VAMP5: variants seen among roughly 807,000 people sequenced by gnomAD.
VAMP5 encodes vesicle associated membrane protein 5.
VAMP5 carries 10 observed loss-of-function variants against 8.1 expected under a neutral mutation model. The ratio of observed to expected loss-of-function variants is 1.23; its 90% CI spans 0.76 to 2.09. The LOEUF is 2.09. Ranked by LOEUF, VAMP5 falls within the 30% of genes most tolerant of loss-of-function variation. VAMP5 has a pLI of 0.00. For missense variants in VAMP5, 135 were observed against 152.5 expected (o/e 0.89, Z 0.60); for synonymous variants, 62 against 60.6 (o/e 1.02, Z -0.11).
chr2:85,592,991 A>C lies in VAMP5; in HGVS notation c.185A>C (p.Lys62Thr). 6.2e-7 allele frequency: 1 copy of C among 1,614,070 alleles called. No homozygotes were observed. The highest frequency in any genetic ancestry group is 1.1e-5 in the South Asian group (1 of 91,080). ...ACTACACAGAACCTGGCCCAGAAGA[A>C]GTGCTGGGAGAACATCCGTTACCGG... ...NKTTQNLAQKKCWENIRYRIC... is the reference protein window; with the variant it reads ...NKTTQNLAQKTCWENIRYRIC... Residue 62 changes from lysine (K) to threonine (T), a missense_variant, in exon 3 of 3, where the codon AAG becomes ACG. By Grantham distance (78) the Lys-to-Thr change is moderately conservative (BLOSUM62 -1). Transcript: ENST00000306384.
Position 85,591,847 on chromosome 2 carries a change from C to A in VAMP5, c.126C>A (p.Asp42Glu), listed in dbSNP as rs1195704548. The A allele has an allele frequency of 1.9e-6, 3 of 1,614,108 alleles. No individual in the cohort carries two copies. The highest frequency in any genetic ancestry group is 2.7e-5 in the African/African-American group (2 of 75,010). Residue 42 changes from aspartate (D) to glutamate (E), a missense_variant, in exon 2 of 3, where the codon GAC becomes GAA. Physicochemically the swap from Asp to Glu is conservative, Grantham distance 45 (BLOSUM62 2). Transcript: ENST00000306384. Reference protein sequence around the residue: ...VKLAELQQRSDQLLDMSSTFN... With the variant: ...VKLAELQQRSEQLLDMSSTFN... ...TGGCCGAACTGCAGCAGCGTTCAGA[C>A]CAACTCCTGGATATGGTGTGAGGCC...
chr2:85,592,650 A>G (rs2104052882), intron 2 of VAMP5, among the ~76,000 whole-genome samples: 1 of 152,016 alleles, frequency 6.6e-6, no homozygotes, highest in Admixed American at 6.5e-5. Context: ...AAAATACAAA[A>G]ATTAGCCGGG....
At position 85,592,944 on chromosome 2, in the gene VAMP5, G is replaced by C; in HGVS notation, c.142-4G>C. 2 of 1,613,462 alleles carry C rather than the reference G, an allele frequency of 1.2e-6. No homozygotes were observed. Among genetic ancestry groups the C allele is most frequent in the Non-Finnish European group, 1.7e-6 (2 of 1,180,002 alleles). ...TCCCACTTTGTGTCTGGGGGTATCC[G>C]CAGAGCTCAACCTTCAACAAGACTA... On this transcript the variant is annotated splice_region_variant and splice_polypyrimidine_tract_variant and intron_variant, in intron 2 of 2. Coordinates refer to ENST00000306384, the MANE Select transcript of VAMP5 (RefSeq NM_006634.3).
chr2:85,586,343 G>A (rs1453584274), intron 1 of VAMP5, among the ~76,000 whole-genome samples: 4 of 152,132 alleles, frequency 2.6e-5, no homozygotes, highest in Admixed American at 1.3e-4. Flanking sequence ...TTGGGAGGCC[G>A]AGGCGGGCAG....
intron 1 of VAMP5, among the ~76,000 whole-genome samples, chr2:85,589,849 G>C (rs542423509): frequency 1.3e-5 from 2 of 152,148 alleles, no homozygotes; most frequent in South Asian, 2.1e-4. Flanking sequence ...GTAGAGACAG[G>C]GTTTCACCAT....
At position 85,591,544 on chromosome 2, in the gene VAMP5, G is replaced by A. The variant is rs1270056524; in HGVS notation, c.4-181G>A. ...GGGAGGAGCCTGTGAGACTTAAGGT[G>A]TGCCGCACTCACCCCGAAGGCCAGA... On this transcript the variant is annotated intron_variant, in intron 1 of 2. Coordinates refer to ENST00000306384, the MANE Select transcript of VAMP5 (RefSeq NM_006634.3). The A allele has an allele frequency of 8.2e-6, 7 of 852,922 alleles. No homozygotes were observed. The Admixed American group carries it at 8.4e-5, about 10-fold the overall frequency. The allele number at this position is 852,922 out of a possible 1,614,324, so 52.8% of individuals were successfully genotyped here.
intron 1 of VAMP5, among the ~76,000 whole-genome samples, chr2:85,590,834 G>C (rs186400361): frequency 1.2e-4 from 19 of 152,136 alleles, no homozygotes; most frequent in Non-Finnish European, 4.4e-5. Flanking sequence ...TCTCTGTTAC[G>C]TGCACCCAAA....
At chr2:85,584,621 G>A in intron 1 of VAMP5, 128 bp downstream of exon 1, 2 of 1,125,954 alleles carry the variant, frequency 1.8e-6, no homozygotes, top group Non-Finnish European at 2.2e-6. Flanking sequence ...GACCTGAGGC[G>A]GTGACCACTG....
intron 1 of VAMP5, among the ~76,000 whole-genome samples, chr2:85,586,858 G>A (rs1672468490): frequency 2.0e-5 from 3 of 152,090 alleles, no homozygotes; most frequent in Admixed American, 6.5e-5. Context: ...GGTGGATCAC[G>A]AGGTCAGGAG....
intron 1 of VAMP5, 128 bp downstream of exon 1, chr2:85,584,621 G>C (rs1261777722): frequency 2.7e-6 from 3 of 1,125,838 alleles, no homozygotes; most frequent in African/African-American, 3.2e-5. Flanking sequence ...GACCTGAGGC[G>C]GTGACCACTG....
Position 85,593,384 on chromosome 2 carries a change from T to G in VAMP5, c.*227T>G. On this transcript the variant is annotated 3_prime_UTR_variant, in exon 3 of 3. Transcript: ENST00000306384. ...CCTGGAGCTCAGTAAAAACTGCTGTTTGATTAAAAGCTGGTATCTGTGTGT... is the reference window on the plus strand; with the variant it reads ...CCTGGAGCTCAGTAAAAACTGCTGTGTGATTAAAAGCTGGTATCTGTGTGT... 1.7e-6 allele frequency: 1 copy of G among 583,468 alleles called. No individual in the cohort carries two copies. The highest frequency in any genetic ancestry group is 3.1e-6 in the Non-Finnish European group (1 of 327,080). 36.1% of individuals were successfully genotyped at this position (583,468 alleles called of 1,614,324 possible).
At position 85,593,117 on chromosome 2, in the gene VAMP5, G is replaced by T. The variant is rs369298921; in HGVS notation, c.311G>T (p.Arg104Leu). The T allele has an allele frequency of 6.2e-7, 1 of 1,614,084 alleles. No individual in the cohort carries two copies. Among genetic ancestry groups the T allele is most frequent in the Non-Finnish European group, 8.5e-7 (1 of 1,180,044 alleles). ...AGCAGTGACAGCAGTAGTGCCCCAC[G>T]GACCCAGGATGCAGGCATTGCCTCA... ...PQSSDSSSAP[R>L]TQDAGIASGP... Residue 104 changes from arginine (R) to leucine (L), a missense_variant, in exon 3 of 3, where the codon CGG becomes CTG. Arg to Leu is a moderately radical substitution (Grantham distance 102). Coordinates refer to ENST00000306384, the MANE Select transcript of VAMP5 (RefSeq NM_006634.3).
At chr2:85,588,956 G>A (rs892769803) in intron 1 of VAMP5, among the ~76,000 whole-genome samples, 1 of 151,944 alleles carries the variant, frequency 6.6e-6, no homozygotes, top group Non-Finnish European at 1.5e-5. Context: ...TATTACATGT[G>A]TCTTTTCCCC....
rs1672570617 is a variant in VAMP5 at position 85,593,039 on chromosome 2, T to C, written c.233T>C (p.Val78Ala). 3 of 1,614,152 alleles carry C rather than the reference T, an allele frequency of 1.9e-6. No individual in the cohort carries two copies. Among genetic ancestry groups the C allele is most frequent in the Non-Finnish European group, 8.5e-7 (1 of 1,180,018 alleles). Residue 78 changes from valine to alanine, a missense_variant, in exon 3 of 3, where the codon GTT becomes GCT. By Grantham distance (64) the Val-to-Ala change is moderately conservative. Transcript: ENST00000306384. ...CGGATCTGCGTGGGGCTGGTGGTGGTTGGTGTCCTGCTCATCATCCTGATT... is the reference window on the plus strand; with the variant it reads ...CGGATCTGCGTGGGGCTGGTGGTGGCTGGTGTCCTGCTCATCATCCTGATT... ...RYRICVGLVV[V>A]GVLLIILIVL...
chr2:85,584,561 G>A, intron 1 of VAMP5, 68 bp downstream of exon 1: 4 of 1,232,158 alleles, frequency 3.2e-6, no homozygotes, highest in Non-Finnish European at 4.1e-6. Context: ...GTGGGAGAGA[G>A]GAGTCCAAAG....
intron 2 of VAMP5, among the ~76,000 whole-genome samples, chr2:85,592,456 C>T (rs1056624089): frequency 1.6e-4 from 24 of 152,034 alleles, no homozygotes; most frequent in Admixed American, 9.8e-4. Context: ...AGGGCCACAC[C>T]GGTGTTTGAG....
chr2:85,584,532 C>T (rs1299591511), intron 1 of VAMP5, 39 bp downstream of exon 1: 18 of 1,237,024 alleles, frequency 1.5e-5, no homozygotes, highest in Non-Finnish European at 1.8e-5. Flanking sequence ...CTGCGACGGG[C>T]AGAGGGCGAG....
At chr2:85,590,952 G>T (rs568451833) in intron 1 of VAMP5, among the ~76,000 whole-genome samples, 1 of 152,296 alleles carries the variant, frequency 6.6e-6, no homozygotes, top group South Asian at 2.1e-4. Flanking sequence ...GAAATGAGCT[G>T]GTGTTTTCTG....
chr2:85,584,450 C>T lies in VAMP5; in HGVS notation c.-41C>T. 8.0e-7 allele frequency: 1 copy of T among 1,244,598 alleles called. No homozygotes were observed. The highest frequency in any genetic ancestry group is 1.0e-6 in the Non-Finnish European group (1 of 995,048). The allele number at this position is 1,244,598 out of a possible 1,614,324, so 77.1% of individuals were successfully genotyped here. A position where few individuals can be genotyped will look rare whatever the true frequency, so the allele number is the denominator to read the frequency against. On this transcript the variant is annotated 5_prime_UTR_variant, in exon 1 of 3. Coordinates refer to ENST00000306384, the MANE Select transcript of VAMP5 (RefSeq NM_006634.3). ...GCTGGCACTGCGGCCGCTCCGCAGG[C>T]AGAGAAGCCGGGAGCGGGCGAGGCG...
Sources: allele counts gnomAD v4.1 joint callset (sites outside exome capture counted in the v4.1 genomes callset), GRCh38; gene constraint gnomAD v4.1.1; transcripts MANE v1.5; gene names NCBI Gene and HGNC (gene_info 2026-07-23, HGNC 2026-07-21).